Variants in MOCOS observed in about 807,000 individuals in gnomAD.
MOCOS encodes molybdenum cofactor sulfurase, also known as human molybdenum cofactor sulfurase.
In MOCOS, 86 loss-of-function variants were observed where a neutral mutation model predicts 83.6. The observed-to-expected ratio is 1.03, with a 90% CI of 0.86 to 1.23. MOCOS has a LOEUF of 1.23. Ranked by LOEUF, MOCOS falls within the 50% of genes most tolerant of loss-of-function variation. The pLI, the probability that MOCOS is intolerant of heterozygous loss-of-function variation, is 0.00. For synonymous variants in MOCOS, 445 were observed against 434.7 expected (o/e 1.02, Z -0.29); for missense variants, 1,120 against 1,126.9 (o/e 0.99, Z 0.09).
rs757679830 is a variant in MOCOS, at chr18:36,220,187, C to A, written c.1930C>A (p.Arg644=). The change falls in exon 9 of 15, where the codon CGG becomes AGG. Residue 644 remains arginine, a synonymous_variant. Coordinates refer to ENST00000261326, the MANE Select transcript of MOCOS (RefSeq NM_017947.4). ...CCTGATCCAGCCCTTCATCGACTTG[C>A]GGCAAAGGATCATGGTCATCAAAGC... The part of the protein sequence containing the change: ...LCLIQPFIDL[R]QRIMVIKAKG... 96 of 1,613,980 alleles carry A rather than the reference C, an allele frequency of 5.9e-5. No homozygotes were observed. Among genetic ancestry groups the A allele is most frequent in the Non-Finnish European group, 8.1e-5 (95 of 1,180,030 alleles).
At chr18:36,227,846 T>G (rs1310267214) in intron 9 of MOCOS, among the ~76,000 whole-genome samples, 1 of 152,116 alleles carries the variant, frequency 6.6e-6, no homozygotes, top group Non-Finnish European at 1.5e-5. Context: ...TGGGATATAA[T>G]TAAACTAGAG....
Position 36,260,122 on chromosome 18 carries a change from G to T in MOCOS, c.2356G>T (p.Ala786Ser), listed in dbSNP as rs754520245. 3 of 1,614,174 alleles carry T rather than the reference G, an allele frequency of 1.9e-6. No individual in the cohort carries two copies. The highest frequency in any genetic ancestry group is 1.6e-4 in the Middle Eastern group (1 of 6,062). The change falls in exon 13 of 15, where the codon GCT (alanine) becomes TCT (serine). Residue 786 changes from alanine to serine, a missense_variant. Physicochemically the swap from Ala to Ser is moderately conservative, Grantham distance 99. Coordinates refer to ENST00000261326, the MANE Select transcript of MOCOS (RefSeq NM_017947.4). ...RANIIINGKRAFEEEKWDEIS... is the reference protein window; with the variant it reads ...RANIIINGKRSFEEEKWDEIS... ...CAATATTATTATCAATGGAAAAAGG[G>T]CTTTTGAAGAAGAGAAATGGGATGA...
At chr18:36,229,807 T>A (rs1475209404) in intron 9 of MOCOS, among the ~76,000 whole-genome samples, 1 of 152,026 alleles carries the variant, frequency 6.6e-6, no homozygotes, top group African/African-American at 2.4e-5. Flanking sequence ...TATAATAAAT[T>A]TTTTAGTTCA....
intron 4 of MOCOS, among the ~76,000 whole-genome samples, chr18:36,202,645 C>T (rs929218607): frequency 6.6e-6 from 1 of 152,228 alleles, no homozygotes; most frequent in East Asian, 1.9e-4. Flanking sequence ...TAGATTACAG[C>T]GGTATTAGTC....
chr18:36,218,837 T>TTTTATTTTATTTATTTA (rs1555652672), intron 8 of MOCOS, among the ~76,000 whole-genome samples: 1 of 133,928 alleles, frequency 7.5e-6, no homozygotes, highest in African/African-American at 2.8e-5. Context: ...CTTTATTTTA[T>TTTTATTTTATTTATTTA]TTTATTTATT....
intron 6 of MOCOS, among the ~76,000 whole-genome samples, chr18:36,212,838 C>T (rs527617003): frequency 3.7e-4 from 56 of 152,276 alleles, no homozygotes; most frequent in African/African-American, 1.3e-3. Context: ...CCTGAGCCCC[C>T]AGGGTGAGGA....
At chr18:36,191,317 AAAG>A in intron 1 of MOCOS, among the ~76,000 whole-genome samples, 1 of 152,242 alleles carries the variant, frequency 6.6e-6, no homozygotes, top group Non-Finnish European at 1.5e-5. Flanking sequence ...AAAAGTTGCC[AAAG>A]GAGGGTGAAG....
rs571890856 is a variant in MOCOS, at chr18:36,213,910, G to A, written c.1335+428G>A. Among the ~76,000 whole-genome samples, 4 of 147,914 alleles carry A rather than the reference G, an allele frequency of 2.7e-5. No homozygotes were observed. In the South Asian group the frequency reaches 8.6e-4, roughly 32 times the overall value. On this transcript the variant is annotated intron_variant, in intron 7 of 14. Coordinates refer to ENST00000261326, the MANE Select transcript of MOCOS (RefSeq NM_017947.4). ...CACCATTGCACTCCAGTGCCTGGGT[G>A]ACAGAGCAAGACTCCATCCCCCTCC...
At chr18:36,258,194 C>T (rs1218948584) in intron 12 of MOCOS, among the ~76,000 whole-genome samples, 1 of 152,072 alleles carries the variant, frequency 6.6e-6, no homozygotes, top group African/African-American at 2.4e-5. Flanking sequence ...CAGTTCCTAC[C>T]AGGAGGGGCC....
At chr18:36,232,757 G>T (rs1351231243) in intron 9 of MOCOS, among the ~76,000 whole-genome samples, 1 of 151,744 alleles carries the variant, frequency 6.6e-6, no homozygotes, top group Non-Finnish European at 1.5e-5. Flanking sequence ...GTCTTTTTAT[G>T]CCTGGCTTAT....
At position 36,269,421 on chromosome 18, in the gene MOCOS, C is replaced by G. The variant is rs1027521309; in HGVS notation, c.*736C>G. 2.6e-5 allele frequency: 4 copies of G among 152,378 alleles called. No individual in the cohort carries two copies. Among genetic ancestry groups the G allele is most frequent in the African/African-American group, 9.7e-5 (4 of 41,432 alleles). 9.4% of individuals were successfully genotyped at this position (152,378 alleles called of 1,614,324 possible). ...ACAAGCCCACAGGATGGTGTTGGTCCATCACCCGAGAGCCTCCAAATCCTA... is the reference window on the plus strand; with the variant it reads ...ACAAGCCCACAGGATGGTGTTGGTCGATCACCCGAGAGCCTCCAAATCCTA... On this transcript the variant is annotated 3_prime_UTR_variant, in exon 15 of 15. Coordinates refer to ENST00000261326, the MANE Select transcript of MOCOS (RefSeq NM_017947.4).
In MOCOS at chr18:36,268,582, C is replaced by A. The variant is rs2091689126; in HGVS notation, c.2564C>A (p.Pro855Gln). 1 of 1,613,990 alleles carries A rather than the reference C, an allele frequency of 6.2e-7. No homozygotes were observed. The highest frequency in any genetic ancestry group is 1.1e-5 in the South Asian group (1 of 91,082). Reference sequence around the variant, plus strand: ...CATGCATCATTGGATTTATCCTCCCCATGTTTCCTGTCTGTAGGATCTCAG... The same window carrying A: ...CATGCATCATTGGATTTATCCTCCCAATGTTTCCTGTCTGTAGGATCTCAG... ...LMHASLDLSS[P>Q]CFLSVGSQVL... The change falls in exon 15 of 15, where the codon CCA (proline) becomes CAA (glutamine). Residue 855 changes from proline to glutamine, a missense_variant. Transcript: ENST00000261326.
At chr18:36,267,529 T>G (rs2091685768) in intron 14 of MOCOS, among the ~76,000 whole-genome samples, 1 of 152,218 alleles carries the variant, frequency 6.6e-6, no homozygotes, top group Non-Finnish European at 1.5e-5. Flanking sequence ...TGTGCTACAT[T>G]GTTTCCTGTG....
At chr18:36,188,126 G>T (rs2091349310) in intron 1 of MOCOS, among the ~76,000 whole-genome samples, 1 of 152,164 alleles carries the variant, frequency 6.6e-6, no homozygotes, top group Non-Finnish European at 1.5e-5. Context: ...CTCTGACGGC[G>T]CGCCAGGTTG....
At chr18:36,267,113 A>G (rs2144161226) in intron 14 of MOCOS, among the ~76,000 whole-genome samples, 1 of 152,346 alleles carries the variant, frequency 6.6e-6, no homozygotes, top group Non-Finnish European at 1.5e-5. Context: ...AGTACAAAAA[A>G]AACAAGTAAT....
At chr18:36,264,185 GA>G (rs762208218) in intron 13 of MOCOS, among the ~76,000 whole-genome samples, 87 of 150,258 alleles carry the variant, frequency 5.8e-4, no homozygotes, top group Middle Eastern at 3.4e-3. Flanking sequence ...ACCTCACAAA[GA>G]AAAAAAAAGG....
chr18:36,210,879 A>AAAAAAAAAAC (rs2144911805), intron 6 of MOCOS, among the ~76,000 whole-genome samples: 1 of 134,888 alleles, frequency 7.4e-6, no homozygotes, highest in African/African-American at 2.8e-5. Flanking sequence ...AAAAAAAAAA[A>AAAAAAAAAAC]AGTAACTGTG....
chr18:36,241,824 A>T (rs2091584381), intron 9 of MOCOS, among the ~76,000 whole-genome samples: 1 of 152,226 alleles, frequency 6.6e-6, no homozygotes, highest in African/African-American at 2.4e-5. Context: ...TACCACATGG[A>T]AGCCACCAAG....
At chr18:36,188,872 C>T (rs1004542963) in intron 1 of MOCOS, among the ~76,000 whole-genome samples, 1 of 151,810 alleles carries the variant, frequency 6.6e-6, no homozygotes, top group Non-Finnish European at 1.5e-5. Context: ...CCTTCCCTCT[C>T]GCAGGGTCAC....
Sources: gnomAD v4.1 joint callset for allele counts (sites outside exome capture counted in the v4.1 genomes callset) on GRCh38, gnomAD v4.1.1 for gene constraint, MANE v1.5 for transcripts, NCBI Gene and HGNC (gene_info 2026-07-23, HGNC 2026-07-21) for gene names.